MARVELD2: variants seen among roughly 807,000 people sequenced by gnomAD.
The protein encoded by MARVELD2 is MARVEL domain-containing protein 2.
In MARVELD2, 49 loss-of-function variants were observed where a neutral mutation model predicts 57.6. The observed-to-expected ratio is 0.85, with a 90% confidence interval of 0.68 to 1.08. The LOEUF (loss-of-function observed/expected upper bound fraction) is 1.08. Ranked by LOEUF, MARVELD2 falls within the 50% of genes least tolerant of loss-of-function variation. The pLI is 0.00. For synonymous variants in MARVELD2, 238 were observed against 258.8 expected, an observed-to-expected ratio of 0.92 and a Z score of 0.77; for missense variants, 606 against 701.1, an observed-to-expected ratio of 0.86 and a Z score of 1.53.
At chr5:69,434,760 G>A (rs1163181888) in intron 5 of MARVELD2, among the ~76,000 whole-genome samples, 5 of 151,754 alleles carry the variant, frequency 3.3e-5, no homozygotes, top group South Asian at 2.1e-4. Flanking sequence ...GCCATGGCGC[G>A]ATCTCGGCTC....
At chr5:69,416,963 C>T (rs1766449232) in intron 1 of MARVELD2, among the ~76,000 whole-genome samples, 1 of 152,214 alleles carries the variant, frequency 6.6e-6, no homozygotes, top group Admixed American at 6.5e-5. Flanking sequence ...TAGCAAAAGA[C>T]AAAGTCCTTT....
intron 3 of MARVELD2, among the ~76,000 whole-genome samples, chr5:69,431,659 G>A (rs777599801): frequency 1.3e-5 from 2 of 152,098 alleles, no homozygotes; most frequent in Non-Finnish European, 2.9e-5. Context: ...TGGGGCTGGA[G>A]TGTGTTTTAC....
chr5:69,430,504 C>CT (rs1181812422), intron 3 of MARVELD2, among the ~76,000 whole-genome samples: 1 of 152,078 alleles, frequency 6.6e-6, no homozygotes, highest in Non-Finnish European at 1.5e-5. Flanking sequence ...GAATGAGCTA[C>CT]TGCACGTGGC....
intron 5 of MARVELD2, among the ~76,000 whole-genome samples, chr5:69,438,661 T>C (rs1767231682): frequency 6.6e-6 from 1 of 151,760 alleles, no homozygotes; most frequent in African/African-American, 2.4e-5. Flanking sequence ...CCGAGGTGGG[T>C]GAATCACAAG....
rs771005521 is a variant in MARVELD2, at chr5:69,433,080, C to T, written c.1490C>T (p.Ser497Leu). 1.0e-5 allele frequency: 16 copies of T among 1,604,560 alleles called. No individual in the cohort carries two copies. Among genetic ancestry groups the T allele is most frequent in the Admixed American group, 3.4e-5 (2 of 59,548 alleles). The change falls in exon 5 of 7, where the codon TCG becomes TTG. Residue 497 changes from serine (S) to leucine (L), a missense_variant. Ser to Leu is a moderately radical substitution (Grantham distance 145, BLOSUM62 -2). Coordinates refer to ENST00000325631, the MANE Select transcript of MARVELD2 (RefSeq NM_001038603.3). ...GTGATGAGCAGATTGCCACATCATT[C>T]GGAAAGCCGACAGGTTAGTATGTGC... ...DAVMSRLPHHSESRQEHERIS... is the reference protein window; with the variant it reads ...DAVMSRLPHHLESRQEHERIS...
chr5:69,417,785 A>G (rs902124651), intron 1 of MARVELD2, among the ~76,000 whole-genome samples: 3 of 152,010 alleles, frequency 2.0e-5, no homozygotes, highest in Admixed American at 6.6e-5. Flanking sequence ...TAAAAATACA[A>G]AAAATTAGCC....
At chr5:69,431,484 C>T (rs1766962178) in intron 3 of MARVELD2, among the ~76,000 whole-genome samples, 1 of 152,198 alleles carries the variant, frequency 6.6e-6, no homozygotes, top group African/African-American at 2.4e-5. Flanking sequence ...ATTATCATTA[C>T]TTTCTCTTTC....
At chr5:69,434,291 C>T (rs1285048110) in intron 5 of MARVELD2, among the ~76,000 whole-genome samples, 1 of 152,038 alleles carries the variant, frequency 6.6e-6, no homozygotes, top group African/African-American at 2.4e-5. Flanking sequence ...TGGTGAAACC[C>T]TGTCTCTACA....
At chr5:69,417,234 G>A (rs1160311418) in intron 1 of MARVELD2, among the ~76,000 whole-genome samples, 2 of 152,096 alleles carry the variant, frequency 1.3e-5, no homozygotes, top group African/African-American at 4.8e-5. Flanking sequence ...CTGCCCACTC[G>A]GTTTAAGATG....
intron 6 of MARVELD2, among the ~76,000 whole-genome samples, chr5:69,441,137 A>G (rs1319582162): frequency 6.6e-6 from 1 of 152,044 alleles, no homozygotes; most frequent in Non-Finnish European, 1.5e-5. Context: ...AGTATTTTCT[A>G]TACTTATTAC....
At position 69,419,410 on chromosome 5, in the gene MARVELD2, A is replaced by T. The variant is rs1184826517; in HGVS notation, c.25A>T (p.Asn9Tyr). MSNDGRSR[N>Y]RDRRYDEVPS... ...AATGTCAAATGATGGAAGATCCAGGAATCGGGACAGGCGCTACGATGAGGT... is the reference window on the plus strand; with the variant it reads ...AATGTCAAATGATGGAAGATCCAGGTATCGGGACAGGCGCTACGATGAGGT... The change falls in exon 2 of 7, where the codon AAT (asparagine) becomes TAT (tyrosine). Residue 9 changes from asparagine (N) to tyrosine (Y), a missense_variant. Asn to Tyr is a moderately radical substitution (Grantham distance 143). Transcript: ENST00000325631. 3 of 1,614,080 alleles carry T rather than the reference A, an allele frequency of 1.9e-6. No individual in the cohort carries two copies. Among genetic ancestry groups the T allele is most frequent in the Non-Finnish European group, 2.5e-6 (3 of 1,180,052 alleles).
At chr5:69,417,664 C>G (rs976059029) in intron 1 of MARVELD2, among the ~76,000 whole-genome samples, 5 of 152,086 alleles carry the variant, frequency 3.3e-5, no homozygotes, top group African/African-American at 1.2e-4. Flanking sequence ...GAATTAGCGG[C>G]CGAGCGTGGT....
chr5:69,438,922 C>T (rs1250613883), intron 5 of MARVELD2, among the ~76,000 whole-genome samples: 1 of 151,066 alleles, frequency 6.6e-6, no homozygotes, highest in African/African-American at 2.4e-5. Context: ...TAAAAATTAG[C>T]CAGGCCTGGT....
intron 5 of MARVELD2, among the ~76,000 whole-genome samples, chr5:69,438,574 T>C (rs2439722): frequency 0.5 from 75,421 of 151,530 alleles, 18,763 homozygotes; most frequent in South Asian, 0.54. Context: ...ATAGCAAGAC[T>C]GCATCTACAC....
chr5:69,432,473 G>T (rs888763655), intron 3 of MARVELD2, 54 bp from the exon 4 acceptor site: 93 of 1,581,522 alleles, frequency 5.9e-5, no homozygotes, highest in Non-Finnish European at 1.6e-5. Context: ...GAATTCAGAG[G>T]GTTTTTTTCT....
intron 2 of MARVELD2, among the ~76,000 whole-genome samples, chr5:69,422,026 C>A (rs1290145354): frequency 2.0e-5 from 3 of 152,136 alleles, no homozygotes; most frequent in African/African-American, 7.2e-5. Context: ...TTCATGGACA[C>A]TTATCACTTC....
At chr5:69,415,754 T>C (rs1008765792) in intron 1 of MARVELD2, 6 of 152,192 alleles carry the variant, frequency 3.9e-5, no homozygotes, top group African/African-American at 1.2e-4. Flanking sequence ...TGTGTAAAGG[T>C]GACCAGGCAT....
At position 69,420,035 on chromosome 5, in the gene MARVELD2, A is replaced by G. The variant is rs760552789; in HGVS notation, c.650A>G (p.Lys217Arg). The change falls in exon 2 of 7, where the codon AAG becomes AGG. Residue 217 changes from lysine (K) to arginine (R), a missense_variant. Coordinates refer to ENST00000325631, the MANE Select transcript of MARVELD2 (RefSeq NM_001038603.3). ...GCTTGTGTCACAGCTTACATTCACA[A>G]GGACAGTGAGTGGTACAACTTGTTT... ...VFACVTAYIH[K>R]DSEWYNLFGY... is the part of the protein sequence containing the mutation. 2.5e-6 allele frequency: 4 copies of G among 1,614,124 alleles called. No homozygotes were observed. Among genetic ancestry groups the G allele is most frequent in the Non-Finnish European group, 1.7e-6 (2 of 1,180,036 alleles).
chr5:69,421,759 G>T (rs1766633252), intron 2 of MARVELD2, among the ~76,000 whole-genome samples: 1 of 150,252 alleles, frequency 6.7e-6, no homozygotes, highest in Non-Finnish European at 1.5e-5. Context: ...ACCATGCCTG[G>T]CCCGTTTTTT....
Sources: allele counts gnomAD v4.1 joint callset (sites outside exome capture counted in the v4.1 genomes callset), GRCh38; gene constraint gnomAD v4.1.1; transcripts MANE v1.5; gene names NCBI Gene and HGNC (gene_info 2026-07-23, HGNC 2026-07-21).